Variants in CEACAM19 observed in about 807,000 individuals in gnomAD.
CEACAM19 encodes CEA cell adhesion molecule 19.
Under a neutral mutation model 37.6 loss-of-function variants are expected in CEACAM19, and 37 were observed. The observed-to-expected ratio is 0.98, with a 90% CI of 0.76 to 1.29. The LOEUF (loss-of-function observed/expected upper bound fraction) is 1.29, where lower values mean the gene tolerates loss of function less well. CEACAM19 is among the 50% of genes most tolerant of loss of function. The probability of loss-of-function intolerance (pLI) is 0.00; values close to 1 mark genes in which losing one functional copy is unlikely to be tolerated. For missense variants in CEACAM19, 340 were observed against 375.6 expected (o/e 0.91, Z 0.78); for synonymous variants, 140 against 149.8 (o/e 0.93, Z 0.48).
intron 2 of CEACAM19, among the ~76,000 whole-genome samples, chr19:44,675,545 G>A (rs1237210355): frequency 6.6e-6 from 1 of 152,010 alleles, no homozygotes; most frequent in Non-Finnish European, 1.5e-5. Flanking sequence ...CAACACTTTG[G>A]GAGACCAAGG....
chr19:44,671,415 C>T (rs1973852823), upstream of CEACAM19: 3 of 375,700 alleles, frequency 8.0e-6, no homozygotes, highest in Non-Finnish European at 1.4e-5. Flanking sequence ...CCACCGCACC[C>T]AGCCTGCCTC....
intron 4 of CEACAM19, 130 bp downstream of exon 4, chr19:44,679,066 C>T (rs1272667393): frequency 7.2e-7 from 1 of 1,386,730 alleles, no homozygotes; most frequent in African/African-American, 1.4e-5. Flanking sequence ...GATCGTAGCT[C>T]ACCGTAGCCT....
intron 4 of CEACAM19, among the ~76,000 whole-genome samples, chr19:44,679,234 T>TCTC (rs1974010287): frequency 6.6e-6 from 1 of 152,230 alleles, no homozygotes; most frequent in African/African-American, 2.4e-5. Flanking sequence ...CTCAAAAAAG[T>TCTC]CTCCTACCTT....
At chr19:44,672,069 A>T in intron 1 of CEACAM19, 83 bp downstream of exon 1, 1 of 1,126,008 alleles carries the variant, frequency 8.9e-7, no homozygotes, top group South Asian at 1.3e-5. Flanking sequence ...AGAAGTAGGG[A>T]AAGATTACCT....
At position 44,678,893 on chromosome 19, in the gene CEACAM19, T is replaced by C. The variant is rs930049953; in HGVS notation, c.616T>C (p.Cys206Arg). 6.2e-7 allele frequency: 1 copy of C among 1,614,090 alleles called. No homozygotes were observed. Among genetic ancestry groups the C allele is most frequent in the Non-Finnish European group, 8.5e-7 (1 of 1,180,002 alleles). ...PRGQGSLSIL[C>R]SAVSPVPSVT... The stretch of plus-strand genomic sequence containing the variant: ...GGGCCAGGGATCTCTGTCCATCTTG[T>C]GCTCGGCTGTATCCCCAGTGCCTTC... The change falls in exon 4 of 8, where the codon TGC (cysteine) becomes CGC (arginine). Residue 206 changes from cysteine (C) to arginine (R), a missense_variant. Transcript: ENST00000358777.
At chr19:44,676,145 G>T in intron 2 of CEACAM19, 126 bp from the exon 3 acceptor site, 1 of 969,232 alleles carries the variant, frequency 1.0e-6, no homozygotes, top group Non-Finnish European at 1.5e-6. Context: ...GAAAGCTCTG[G>T]GCTGGAAATA....
chr19:44,682,110 C>T (rs111861405), intron 6 of CEACAM19, among the ~76,000 whole-genome samples: 33 of 152,008 alleles, frequency 2.2e-4, no homozygotes, highest in African/African-American at 6.8e-4. Flanking sequence ...TTTAGCTAGG[C>T]ATGGTGGTGT....
chr19:44,675,926 T>C (rs1426528462), intron 2 of CEACAM19, among the ~76,000 whole-genome samples: 3 of 151,986 alleles, frequency 2.0e-5, no homozygotes, highest in African/African-American at 2.4e-5. Flanking sequence ...GAGTTCCATC[T>C]GGGACATGTT....
upstream of CEACAM19, among the ~76,000 whole-genome samples, chr19:44,670,527 T>C (rs1373078563): frequency 6.7e-6 from 1 of 148,414 alleles, no homozygotes; most frequent in Non-Finnish European, 1.5e-5. Context: ...ATACAAAAAT[T>C]AGCCAGGCAT....
chr19:44,683,552 A>G lies in CEACAM19; in HGVS notation c.*62A>G. On this transcript the variant is annotated 3_prime_UTR_variant, in exon 8 of 8. Coordinates refer to ENST00000358777, the MANE Select transcript of CEACAM19 (RefSeq NM_001127893.3). ...GCCCCAGCCCTCCTCTGGGAGCCTC[A>G]CACCTGAGACCAGCAGGACAAGGCC... 9.1e-7 allele frequency: 1 copy of G among 1,093,808 alleles called. No individual in the cohort carries two copies. Among genetic ancestry groups the G allele is most frequent in the Non-Finnish European group, 1.3e-6 (1 of 772,176 alleles). 67.8% of individuals were successfully genotyped at this position (1,093,808 alleles called of 1,614,324 possible).
At position 44,676,242 on chromosome 19, in the gene CEACAM19, CCT is replaced by C. The variant is rs762561687; in HGVS notation, c.425-22_425-21del. 28 of 1,610,962 alleles carry C rather than the reference CCT, an allele frequency of 1.7e-5. No individual in the cohort carries two copies. The Admixed American group carries it at 2.2e-4, about 12-fold the overall frequency. ...CCTCAGGAGACATCGCACAGTCCCCCCTCTCTCTTTCTTTCTCTCACCCCTCA... is the reference window on the plus strand; with the variant it reads ...CCTCAGGAGACATCGCACAGTCCCCCCTCTCTTTCTTTCTCTCACCCCTCA... On this transcript the variant is annotated intron_variant, in intron 2 of 7. Transcript: ENST00000358777.
At chr19:44,672,573 C>T in intron 1 of CEACAM19, 23 bp from the exon 2 acceptor site, 1 of 1,461,610 alleles carries the variant, frequency 6.8e-7, no homozygotes, top group Non-Finnish European at 9.0e-7. Flanking sequence ...CTGATCTCAG[C>T]CCTTCCCTGT....
intron 4 of CEACAM19, among the ~76,000 whole-genome samples, chr19:44,679,893 G>A (rs958337445): frequency 1.3e-5 from 2 of 152,142 alleles, no homozygotes; most frequent in African/African-American, 4.8e-5. Context: ...TCACGCCATT[G>A]CACTCCAGCC....
At chr19:44,670,679 A>C (rs28807203), upstream of CEACAM19, among the ~76,000 whole-genome samples, 33,048 of 151,200 alleles carry the variant, frequency 0.22, 9,058 homozygotes, top group African/African-American at 0.65. Context: ...AAAGAAACCA[A>C]TCCAAAAACT....
At position 44,676,312 on chromosome 19, in the gene CEACAM19, G is replaced by T. The variant is rs1973948315; in HGVS notation, c.466G>T (p.Ala156Ser). 7 of 1,614,018 alleles carry T rather than the reference G, an allele frequency of 4.3e-6. No homozygotes were observed. The highest frequency in any genetic ancestry group is 5.9e-6 in the Non-Finnish European group (7 of 1,180,018). Residue 156 changes from alanine to serine, a missense_variant, in exon 3 of 8, where the codon GCT (alanine) becomes TCT (serine). By Grantham distance (99) the Ala-to-Ser change is moderately conservative. Transcript: ENST00000358777. ...GCCCAGTACACACCTGCCCACCAAC[G>T]CTGGGATCCTGGCGGCCACCATCAT... ...ELPSTHLPTNAGILAATIIGS... is the reference protein window; with the variant it reads ...ELPSTHLPTNSGILAATIIGS...
At chr19:44,680,761 CCTT>C (rs1429800688) in intron 5 of CEACAM19, among the ~76,000 whole-genome samples, 5 of 152,166 alleles carry the variant, frequency 3.3e-5, no homozygotes, top group African/African-American at 1.2e-4. Context: ...AGTTTAGTCT[CCTT>C]AACATGGTTC....
chr19:44,676,520 C>T, intron 3 of CEACAM19, 99 bp downstream of exon 3: 1 of 1,211,242 alleles, frequency 8.3e-7, no homozygotes, highest in South Asian at 1.3e-5. Context: ...CATACACAAT[C>T]TCATCAAATC....
chr19:44,671,931 G>A lies in CEACAM19; in HGVS notation c.-1G>A. On this transcript the variant is annotated 5_prime_UTR_variant, in exon 1 of 8. Coordinates refer to ENST00000358777, the MANE Select transcript of CEACAM19 (RefSeq NM_001127893.3). ...CCTTGGCATTTCCACAAGACGCCAA[G>A]ATGGAGATTCCCATGGGGACCCAGG... 3 of 1,605,040 alleles carry A rather than the reference G, an allele frequency of 1.9e-6. No homozygotes were observed. The highest frequency in any genetic ancestry group is 2.6e-6 in the Non-Finnish European group (3 of 1,176,054).
chr19:44,681,487 A>G (rs1453386537), intron 6 of CEACAM19, among the ~76,000 whole-genome samples, 175 bp downstream of exon 6: 1 of 152,200 alleles, frequency 6.6e-6, no homozygotes, highest in African/African-American at 2.4e-5. Context: ...AAACAGCACA[A>G]CAGAAGCAGC....
Sources: gnomAD v4.1 joint callset for allele counts (sites outside exome capture counted in the v4.1 genomes callset) on GRCh38, gnomAD v4.1.1 for gene constraint, MANE v1.5 for transcripts, NCBI Gene and HGNC (gene_info 2026-07-23, HGNC 2026-07-21) for gene names.